Variants in KCNAB1 observed in about 807,000 individuals in gnomAD.
KCNAB1 encodes the protein voltage-gated potassium channel subunit beta-1.
KCNAB1 carries 35 observed loss-of-function variants against 64.6 expected under a neutral mutation model. The ratio of observed to expected loss-of-function variants is 0.54; its 90% CI spans 0.41 to 0.72. The LOEUF is 0.72. Among genes scored for constraint, KCNAB1 ranks in the 30% least tolerant of loss-of-function variants. The pLI is 0.00. For synonymous variants in KCNAB1, 177 were observed against 183.8 expected (o/e 0.96, Z 0.30); for missense variants, 401 against 512.9 (o/e 0.78, Z 2.11).
chr3:156,357,159 G>GCGCGCACACACACACACACACA (rs545909634), intron 1 of KCNAB1, among the ~76,000 whole-genome samples: 13 of 147,314 alleles, frequency 8.8e-5, no homozygotes, highest in African/African-American at 3.2e-4. Context: ...ACATGTGCGC[G>GCGCGCACACACACACACACACA]CACACACACA....
At chr3:156,213,537 C>T (rs1715143152) in intron 1 of KCNAB1, among the ~76,000 whole-genome samples, 1 of 152,118 alleles carries the variant, frequency 6.6e-6, no homozygotes, top group Non-Finnish European at 1.5e-5. Context: ...TAAGCTCCAT[C>T]TCTAATAAGT....
chr3:156,460,189 A>T lies in KCNAB1; in HGVS notation c.482+318A>T, dbSNP rs557150385. Reference sequence around the variant, plus strand: ...GCCATTTGTGCTAATCTCTTGCAGGAAGTAACTTGACAAGAAGCTGATTAT... The same window carrying T: ...GCCATTTGTGCTAATCTCTTGCAGGTAGTAACTTGACAAGAAGCTGATTAT... On this transcript the variant is annotated intron_variant, in intron 5 of 13. Coordinates refer to ENST00000490337, the MANE Select transcript of KCNAB1 (RefSeq NM_172160.3). The T allele has an allele frequency of 4.9e-5, 13 of 263,438 alleles. No homozygotes were observed. In the South Asian group the frequency reaches 9.6e-4, roughly 20 times the overall value. The allele number at this position is 263,438 out of a possible 1,614,324, so 16.3% of individuals were successfully genotyped here.
intron 2 of KCNAB1, among the ~76,000 whole-genome samples, chr3:156,431,541 CA>C (rs1716211136): frequency 6.6e-6 from 1 of 152,158 alleles, no homozygotes; most frequent in Admixed American, 6.5e-5. Flanking sequence ...AATGACCCTC[CA>C]GGGGCCAATG....
At chr3:156,176,389 G>C (rs1394993345) in intron 1 of KCNAB1, 4 of 787,718 alleles carry the variant, frequency 5.1e-6, no homozygotes, top group Non-Finnish European at 9.4e-6. Flanking sequence ...GAGTCCCAAA[G>C]CTTAACTGTG....
intron 1 of KCNAB1, among the ~76,000 whole-genome samples, chr3:156,174,393 T>G (rs1019957144): frequency 2.0e-5 from 3 of 152,214 alleles, no homozygotes; most frequent in African/African-American, 7.2e-5. Flanking sequence ...TGCAGCCAGT[T>G]TCTTGATGAG....
At position 156,273,617 on chromosome 3, in the gene KCNAB1, T is replaced by A. The variant is rs554600215; in HGVS notation, c.276-147999T>A. The A allele has an allele frequency of 1.5e-5, 7 of 456,536 alleles. No individual in the cohort carries two copies. The East Asian group carries it at 4.9e-4, about 32-fold the overall frequency. The allele number at this position is 456,536 out of a possible 1,614,324, so 28.3% of individuals were successfully genotyped here. ...GTGGGAGAAGGGTGGCATCGGCAAT[T>A]CACCGCTGTCTTTCCTACTCTCTTC... On this transcript the variant is annotated intron_variant, in intron 1 of 13. Transcript: ENST00000490337.
rs139817958 is a variant in KCNAB1 at position 156,254,885 on chromosome 3, G to A, written c.275+133999G>A. 3.9e-5 allele frequency among the ~76,000 whole-genome samples: 6 copies of A among 152,316 alleles called. No individual in the cohort carries two copies. In the East Asian group the frequency reaches 9.6e-4, roughly 24 times the overall value. On this transcript the variant is annotated intron_variant, in intron 1 of 13. Transcript: ENST00000490337. ...GGCCTTTGGGCTTAGGTAATATACC[G>A]TATAAAGCAGGCAGACTGATTTTGT... is the stretch of plus-strand genomic sequence containing the variant.
At chr3:156,445,384 T>G (rs1717336389) in intron 2 of KCNAB1, among the ~76,000 whole-genome samples, 1 of 152,196 alleles carries the variant, frequency 6.6e-6, no homozygotes, top group Non-Finnish European at 1.5e-5. Flanking sequence ...CAACCCTGAC[T>G]GCAATTAGAG....
At chr3:156,307,136 T>C (rs1458944141) in intron 1 of KCNAB1, among the ~76,000 whole-genome samples, 1 of 152,192 alleles carries the variant, frequency 6.6e-6, no homozygotes, top group Non-Finnish European at 1.5e-5. Flanking sequence ...TTGCTTCGTG[T>C]ACATTTTGGA....
At chr3:156,431,988 G>T (rs115044901) in intron 2 of KCNAB1, among the ~76,000 whole-genome samples, 1 of 152,120 alleles carries the variant, frequency 6.6e-6, no homozygotes, top group Non-Finnish European at 1.5e-5. Context: ...ACTGGGGAAG[G>T]GTACTTTAAA....
chr3:156,361,710 GAC>G (rs1426661211), intron 1 of KCNAB1, among the ~76,000 whole-genome samples: 1 of 152,148 alleles, frequency 6.6e-6, no homozygotes. Context: ...AAGCAACAGA[GAC>G]AGTGCACACG....
rs570020902 is a variant in KCNAB1, at chr3:156,537,793, A to AT, written c.*1050dup. On this transcript the variant is annotated 3_prime_UTR_variant, in exon 14 of 14. Transcript: ENST00000490337. ...TGTTCATTGTTTAATTAGCACTGGG[A>AT]TTTTATAATATAATGTTTGGTATTT... 126 of 152,744 alleles carry AT rather than the reference A, an allele frequency of 8.2e-4. 1 individual carries two copies. The highest frequency in any genetic ancestry group is 2.9e-3 in the African/African-American group (120 of 41,578). 9.5% of individuals were successfully genotyped at this position (152,744 alleles called of 1,614,324 possible). A position where few individuals can be genotyped will look rare whatever the true frequency, so the allele number is the denominator to read the frequency against.
rs144780673 is a variant in KCNAB1 at position 156,188,966 on chromosome 3, G to A, written c.275+68080G>A. On this transcript the variant is annotated intron_variant, in intron 1 of 13. Coordinates refer to ENST00000490337, the MANE Select transcript of KCNAB1 (RefSeq NM_172160.3). ...CCCTGGGGACTGACCATGCTTTGCC[G>A]CTGCTGCTGGAGTTGGCTGACAAGG... 4.6e-5 allele frequency among the ~76,000 whole-genome samples: 7 copies of A among 152,242 alleles called. No individual in the cohort carries two copies. In the South Asian group the frequency reaches 6.2e-4, roughly 14 times the overall value.
At chr3:156,372,308 A>G (rs1726360068) in intron 1 of KCNAB1, among the ~76,000 whole-genome samples, 1 of 152,220 alleles carries the variant, frequency 6.6e-6, no homozygotes, top group Non-Finnish European at 1.5e-5. Context: ...GTTACTTAAT[A>G]TCTCTATCCC....
chr3:156,200,368 G>A (rs1329066815), intron 1 of KCNAB1, among the ~76,000 whole-genome samples: 2 of 152,224 alleles, frequency 1.3e-5, no homozygotes, highest in Non-Finnish European at 2.9e-5. Flanking sequence ...GAGATCCACT[G>A]CTCTCTTCAG....
intron 1 of KCNAB1, among the ~76,000 whole-genome samples, chr3:156,129,442 T>G (rs1014394231): frequency 6.6e-6 from 1 of 152,184 alleles, no homozygotes; most frequent in Admixed American, 6.5e-5. Context: ...TATTAGCCAG[T>G]TAGAGATGTT....
intron 1 of KCNAB1, among the ~76,000 whole-genome samples, chr3:156,218,188 G>C (rs1212272518): frequency 2.0e-5 from 3 of 152,202 alleles, no homozygotes; most frequent in African/African-American, 7.2e-5. Context: ...ACTGTGGGCT[G>C]TGTGAGAGCG....
At chr3:156,430,151 C>A (rs1334381162) in intron 2 of KCNAB1, among the ~76,000 whole-genome samples, 1 of 152,224 alleles carries the variant, frequency 6.6e-6, no homozygotes, top group Non-Finnish European at 1.5e-5. Flanking sequence ...GGACTGCTGG[C>A]CACATGGCTT....
intron 1 of KCNAB1, among the ~76,000 whole-genome samples, chr3:156,156,558 G>T (rs1210211254): frequency 6.6e-6 from 1 of 152,164 alleles, no homozygotes; most frequent in Non-Finnish European, 1.5e-5. Flanking sequence ...AGTAGCATCA[G>T]GAGGATTTGA....
Sources: gnomAD v4.1 joint callset for allele counts (sites outside exome capture counted in the v4.1 genomes callset) on GRCh38, gnomAD v4.1.1 for gene constraint, MANE v1.5 for transcripts, NCBI Gene and HGNC (gene_info 2026-07-23, HGNC 2026-07-21) for gene names.